Variants in C12orf76 observed in about 807,000 individuals in gnomAD.
The protein encoded by C12orf76 is chromosome 12 open reading frame 76.
In C12orf76, 6 loss-of-function variants were observed where a neutral mutation model predicts 6.8. The ratio of observed to expected loss-of-function variants is 0.88; its 90% CI spans 0.48 to 1.73. C12orf76 has a LOEUF of 1.73. C12orf76 is among the 40% of genes most tolerant of loss of function. The probability of loss-of-function intolerance (pLI) is 0.01; values close to 1 mark genes in which losing one functional copy is unlikely to be tolerated. For synonymous variants in C12orf76, 56 were observed against 43.7 expected (o/e 1.28, Z -1.11); for missense variants, 99 against 98.2 (o/e 1.01, Z -0.03).
intron 1 of C12orf76, among the ~76,000 whole-genome samples, chr12:110,066,402 A>C (rs1892862999): frequency 7.8e-6 from 1 of 127,634 alleles, no homozygotes; most frequent in Non-Finnish European, 1.7e-5. Flanking sequence ...AAAAAAAAAA[A>C]AACGGCTGGG....
intron 1 of C12orf76, among the ~76,000 whole-genome samples, chr12:110,066,367 TAAAAAAAAAAAAAAAAAAAAAAAAA>T (rs71079598): frequency 6.5e-5 from 1 of 15,296 alleles, no homozygotes; most frequent in Non-Finnish European, 1.1e-4. Context: ...AGACTCCATC[TAAAAAAAAAAAAAAAAAAAAAAAAA>T]AAAAAAAAAA....
rs772830173 is a variant in C12orf76, at chr12:110,073,420, A to T, written n.213+2T>A. The T allele has an allele frequency of 7.7e-6, 4 of 521,904 alleles. No individual in the cohort carries two copies. In the Admixed American group the frequency reaches 8.0e-5, roughly 10 times the overall value. The allele number at this position is 521,904 out of a possible 1,614,324, so 32.3% of individuals were successfully genotyped here. On this transcript the variant is annotated splice_donor_variant and non_coding_transcript_variant, in intron 1 of 1. Transcript: ENST00000548936. ...CTGGGGTCCTCCCTGCATCCCACTT[A>T]CCTAACATAGGAAAAGACGATCACG...
At chr12:110,065,873 A>C (rs752781427) in exon 2 of C12orf76, 2 of 1,614,126 alleles carry the variant, frequency 1.2e-6, no homozygotes, top group Non-Finnish European at 1.7e-6. Context: ...GTTCTGGAAC[A>C]TGCTGTCCTT....
At chr12:110,065,891 C>G (rs376968892) in exon 2 of C12orf76, 1 of 1,613,996 alleles carries the variant, frequency 6.2e-7, no homozygotes, top group Non-Finnish European at 8.5e-7. Context: ...CTTGCTGTTC[C>G]TCTTTTGTGC....
At chr12:110,056,495 C>T (rs2137229376) in intron 4 of C12orf76, among the ~76,000 whole-genome samples, 1 of 152,054 alleles carries the variant, frequency 6.6e-6, no homozygotes, top group East Asian at 1.9e-4. Context: ...CCTATAGTCA[C>T]AGCTACTCAT....
intron 2 of C12orf76, among the ~76,000 whole-genome samples, chr12:110,063,071 C>T (rs1892800465): frequency 6.6e-6 from 1 of 151,448 alleles, no homozygotes; most frequent in African/African-American, 2.4e-5. Flanking sequence ...GCCTGAGTAG[C>T]TGGGATTACA....
chr12:110,041,777 G>GT lies in C12orf76; in HGVS notation c.*596dup, dbSNP rs1216939706. 6.5e-6 allele frequency: 1 copy of GT among 154,506 alleles called. No individual in the cohort carries two copies. The highest frequency in any genetic ancestry group is 2.4e-5 in the African/African-American group (1 of 41,448). The allele number at this position is 154,506 out of a possible 1,614,324, so 9.6% of individuals were successfully genotyped here. On this transcript the variant is annotated 3_prime_UTR_variant, in exon 2 of 2. Transcript: ENST00000615315. ...GCATTCCAGGCCAAAGGTGCATATA[G>GT]TAACAGGTCTACCTGATGTGACCCT...
chr12:110,052,893 G>A (rs1012668015), upstream of C12orf76, among the ~76,000 whole-genome samples: 1 of 152,166 alleles, frequency 6.6e-6, no homozygotes, highest in African/African-American at 2.4e-5. Flanking sequence ...GAGTTATCCA[G>A]ATACCTATAT....
At chr12:110,057,345 G>A in intron 3 of C12orf76, 1 of 1,248,708 alleles carries the variant, frequency 8.0e-7, no homozygotes. Flanking sequence ...CCTCCAAAGT[G>A]AACTGCCCTC....
exon 4 of C12orf76, chr12:110,057,282 T>TC: frequency 6.2e-7 from 1 of 1,612,378 alleles, no homozygotes; most frequent in Non-Finnish European, 8.5e-7. Context: ...AAAGTTCCTC[T>TC]CCCCCTTACA....
chr12:110,058,967 T>C (rs1286600862), intron 3 of C12orf76: 5 of 1,510,416 alleles, frequency 3.3e-6, no homozygotes, highest in South Asian at 1.2e-5. Context: ...ACCAACTCTA[T>C]AAGGAAGGTG....
upstream of C12orf76, chr12:110,049,172 AT>A (rs956150902): frequency 6.6e-6 from 1 of 152,190 alleles, no homozygotes; most frequent in African/African-American, 2.4e-5. Context: ...AGACCCTCTC[AT>A]TTTGTTTTAT....
chr12:110,071,600 G>T (rs965827292), upstream of C12orf76, among the ~76,000 whole-genome samples: 1 of 152,000 alleles, frequency 6.6e-6, no homozygotes, highest in Non-Finnish European at 1.5e-5. Context: ...GACACAGCCA[G>T]TATTATAAAA....
At chr12:110,057,217 T>C (rs1189542004) in exon 4 of C12orf76, 1 of 1,614,052 alleles carries the variant, frequency 6.2e-7, no homozygotes, top group Non-Finnish European at 8.5e-7. Flanking sequence ...ATGGGCCCCA[T>C]GCCAGCATGG....
At position 110,055,214 on chromosome 12, in the gene C12orf76, C is replaced by G. The variant is rs544253713; in HGVS notation, n.664+1975G>C. The stretch of plus-strand genomic sequence containing the variant: ...CCTAATCAGCATATATGAGACGAAG[C>G]TTTTTTTTTTTTTTTTTGAGACAGA... On this transcript the variant is annotated intron_variant and non_coding_transcript_variant, in intron 4 of 4. Coordinates refer to the C12orf76 transcript ENST00000309050. 7.8e-3 allele frequency among the ~76,000 whole-genome samples: 1,036 copies of G among 133,546 alleles called. 17 individuals are homozygous for G. Among genetic ancestry groups the G allele is most frequent in the African/African-American group, 0.027 (996 of 36,628 alleles). The allele number at this position is 133,546 out of a possible 152,430, so 87.6% of individuals were successfully genotyped here.
At chr12:110,048,716 A>G (rs1892519625), upstream of C12orf76, 3 of 1,203,910 alleles carry the variant, frequency 2.5e-6, no homozygotes, top group South Asian at 3.4e-5. Flanking sequence ...CGTTCAGATC[A>G]ACTTTCCGTC....
At chr12:110,051,019 G>T (rs763692238), upstream of C12orf76, 1 of 775,998 alleles carries the variant, frequency 1.3e-6, no homozygotes, top group Admixed American at 1.7e-5. Context: ...GGTGTAATCT[G>T]CCATGTTAAA....
chr12:110,069,289 A>C (rs932627734), upstream of C12orf76, among the ~76,000 whole-genome samples: 6 of 152,062 alleles, frequency 3.9e-5, no homozygotes, highest in Admixed American at 3.3e-4. Context: ...AAATACAAAA[A>C]ATTAGCGGGA....
intron 3 of C12orf76, among the ~76,000 whole-genome samples, chr12:110,057,838 T>G (rs752678853): frequency 1.3e-5 from 2 of 150,850 alleles, no homozygotes; most frequent in Non-Finnish European, 3.0e-5. Flanking sequence ...CCAAGGCAGG[T>G]GGATAACTCG....
Sources: allele counts gnomAD v4.1 joint callset (sites outside exome capture counted in the v4.1 genomes callset), GRCh38; gene constraint gnomAD v4.1.1; transcripts MANE v1.5; gene names NCBI Gene and HGNC (gene_info 2026-07-23, HGNC 2026-07-21).